DNAJC1: variants seen among roughly 807,000 people sequenced by gnomAD.
The protein encoded by DNAJC1 is dnaJ homolog subfamily C member 1.
A neutral mutation model predicts 76.6 loss-of-function variants in DNAJC1; 58 were observed. The observed-to-expected ratio is 0.76, with a 90% CI of 0.61 to 0.94. DNAJC1 has a LOEUF of 0.94. Ranked by LOEUF, DNAJC1 falls within the 40% of genes least tolerant of loss-of-function variation. DNAJC1 has a pLI of 0.00. For synonymous variants in DNAJC1, 258 were observed against 267.9 expected, an observed-to-expected ratio of 0.96 and a Z score of 0.36; for missense variants, 689 against 677.3, an observed-to-expected ratio of 1.02 and a Z score of -0.19.
In DNAJC1 at chr10:21,972,196, T is replaced by C. The variant is rs886621095; in HGVS notation, c.222+31017A>G. 3.3e-5 allele frequency among the ~76,000 whole-genome samples: 5 copies of C among 151,940 alleles called. No individual in the cohort carries two copies. In the South Asian group the frequency reaches 1.0e-3, roughly 31 times the overall value. On this transcript the variant is annotated intron_variant, in intron 1 of 11. Transcript: ENST00000376980. ...GTTATTAGATTCCATAGGCATGCAA[T>C]TACCATGTAAAATTGCTATAAAATT...
intron 9 of DNAJC1, among the ~76,000 whole-genome samples, chr10:21,801,950 G>A (rs1834819380): frequency 6.6e-6 from 1 of 152,134 alleles, no homozygotes; most frequent in Non-Finnish European, 1.5e-5. Flanking sequence ...GAGAACTCAT[G>A]AACACAAAGA....
At position 21,799,255 on chromosome 10, in the gene DNAJC1, T is replaced by G. The variant is rs535784724; in HGVS notation, c.1098+6725A>C. Among the ~76,000 whole-genome samples the G allele has an allele frequency of 1.1e-3, 161 of 152,280 alleles. 1 individual carries two copies. The highest frequency in any genetic ancestry group is 1.9e-3 in the Non-Finnish European group (131 of 68,008). ...TATGTCTTTTTACGTGTGGTTTCCA[T>G]GTTCTTTGTGGAATTTCTGGTTGCT... On this transcript the variant is annotated intron_variant, in intron 9 of 11. Coordinates refer to ENST00000376980, the MANE Select transcript of DNAJC1 (RefSeq NM_022365.4).
At chr10:21,940,600 C>T (rs1302285960) in intron 1 of DNAJC1, among the ~76,000 whole-genome samples, 1 of 152,124 alleles carries the variant, frequency 6.6e-6, no homozygotes, top group Non-Finnish European at 1.5e-5. Context: ...ATTATGTCCC[C>T]TATTTTAAAC....
chr10:21,970,404 T>TA (rs1218040888), intron 1 of DNAJC1, among the ~76,000 whole-genome samples: 1 of 151,880 alleles, frequency 6.6e-6, no homozygotes, highest in Non-Finnish European at 1.5e-5. Flanking sequence ...AATATGACTT[T>TA]AAAAAAACCA....
rs1836297367 is a variant in DNAJC1 at position 21,882,376 on chromosome 10, T to C, written c.884A>G (p.Tyr295Cys). 1 of 1,597,954 alleles carries C rather than the reference T, an allele frequency of 6.3e-7. No homozygotes were observed. The highest frequency in any genetic ancestry group is 1.8e-5 in the Admixed American group (1 of 56,794). The change falls in exon 8 of 12, where the codon TAT (tyrosine) becomes TGT (cysteine). Residue 295 changes from tyrosine to cysteine, a missense_variant. By Grantham distance (194) the Tyr-to-Cys change is radical. Transcript: ENST00000376980. ...FPVYTPLETT[Y>C]IQSYDHGTSI... ...AGTTCCATGATCATAAGACTGAATA[T>C]ATGTAGTTTCTAAAGGTGTGTATAC... is the stretch of plus-strand genomic sequence containing the variant.
chr10:21,789,969 C>T (rs1474268590), intron 9 of DNAJC1, among the ~76,000 whole-genome samples: 1 of 143,794 alleles, frequency 7.0e-6, no homozygotes. Context: ...AAGACTAAGC[C>T]ACTACACTCC....
chr10:21,765,322 C>A (rs563335416), intron 10 of DNAJC1, among the ~76,000 whole-genome samples: 2 of 152,228 alleles, frequency 1.3e-5, no homozygotes, highest in East Asian at 3.9e-4. Context: ...CCCGCCTCGG[C>A]CTCTAGAGTA....
At chr10:21,936,445 T>C (rs926554084) in intron 1 of DNAJC1, among the ~76,000 whole-genome samples, 1 of 152,202 alleles carries the variant, frequency 6.6e-6, no homozygotes, top group African/African-American at 2.4e-5. Flanking sequence ...TTACTCTACA[T>C]GATTTAAAAG....
intron 6 of DNAJC1, among the ~76,000 whole-genome samples, chr10:21,910,207 C>G (rs1205709892): frequency 6.6e-6 from 1 of 151,806 alleles, no homozygotes; most frequent in Non-Finnish European, 1.5e-5. Flanking sequence ...CCTCCACCTT[C>G]TGGGTTCAAG....
chr10:21,799,551 T>TCCC (rs1459067364), intron 9 of DNAJC1, among the ~76,000 whole-genome samples: 1 of 152,130 alleles, frequency 6.6e-6, no homozygotes, highest in Non-Finnish European at 1.5e-5. Flanking sequence ...GATCCTCCTG[T>TCCC]CCCAGCCTAT....
chr10:21,813,249 T>A (rs1733877013), intron 8 of DNAJC1, among the ~76,000 whole-genome samples: 3 of 129,122 alleles, frequency 2.3e-5, no homozygotes, highest in South Asian at 5.4e-4. Context: ...TATATACACA[T>A]ACAGCTTCTG....
At chr10:21,810,622 GA>G (rs1477306025) in intron 8 of DNAJC1, among the ~76,000 whole-genome samples, 1 of 152,112 alleles carries the variant, frequency 6.6e-6, no homozygotes, top group Admixed American at 6.5e-5. Flanking sequence ...GCTTCCCCAT[GA>G]AAACAGTTAA....
chr10:21,836,002 C>A (rs148772852), intron 8 of DNAJC1, among the ~76,000 whole-genome samples: 2 of 151,934 alleles, frequency 1.3e-5, no homozygotes, highest in African/African-American at 2.4e-5. Context: ...CTTGAGAAGA[C>A]CAACTCCAAG....
At position 21,868,392 on chromosome 10, in the gene DNAJC1, C is replaced by T. The variant is rs192693217; in HGVS notation, c.978+13890G>A. Among the ~76,000 whole-genome samples, 573 of 151,612 alleles carry T rather than the reference C, an allele frequency of 3.8e-3. 12 individuals are homozygous for T. Among genetic ancestry groups the T allele is most frequent in the African/African-American group, 0.013 (539 of 41,282 alleles). ...CCTGCCTCGGCCTCCCAAAGTGCTG[C>T]GATTACAGGCGTGAGCCACCATGCC... On this transcript the variant is annotated intron_variant, in intron 8 of 11. Transcript: ENST00000376980.
At chr10:21,834,007 G>A (rs938135746) in intron 8 of DNAJC1, among the ~76,000 whole-genome samples, 3 of 152,024 alleles carry the variant, frequency 2.0e-5, no homozygotes, top group Non-Finnish European at 4.4e-5. Flanking sequence ...GCTCACACCT[G>A]TAATCACAGC....
At chr10:21,785,085 C>T (rs1834587913) in intron 9 of DNAJC1, among the ~76,000 whole-genome samples, 1 of 152,142 alleles carries the variant, frequency 6.6e-6, no homozygotes, top group Non-Finnish European at 1.5e-5. Flanking sequence ...CAGCTTCTTG[C>T]TTTAAAAAAG....
At chr10:21,832,580 CCTT>C (rs1294589425) in intron 8 of DNAJC1, among the ~76,000 whole-genome samples, 1 of 152,160 alleles carries the variant, frequency 6.6e-6, no homozygotes, top group Non-Finnish European at 1.5e-5. Context: ...TCTTCCTCCT[CCTT>C]ATTGCATTAT....
chr10:21,953,019 C>T (rs183105513), intron 1 of DNAJC1, among the ~76,000 whole-genome samples: 1 of 152,248 alleles, frequency 6.6e-6, no homozygotes, highest in African/African-American at 2.4e-5. Context: ...CATCATATTT[C>T]TACTAATAAT....
At chr10:21,867,294 T>C (rs1416468175) in intron 8 of DNAJC1, among the ~76,000 whole-genome samples, 3 of 152,064 alleles carry the variant, frequency 2.0e-5, no homozygotes. Context: ...AAATATCCAA[T>C]ATTAGGAATG....
Sources: allele counts gnomAD v4.1 joint callset (sites outside exome capture counted in the v4.1 genomes callset), GRCh38; gene constraint gnomAD v4.1.1; transcripts MANE v1.5; gene names NCBI Gene and HGNC (gene_info 2026-07-23, HGNC 2026-07-21).